Variants in BABAM2 observed in about 807,000 individuals in gnomAD.
BABAM2 encodes the protein BRISC and BRCA1-A complex member 2.
In BABAM2, 31 loss-of-function variants were observed where a neutral mutation model predicts 54.7. That is an observed-to-expected ratio of 0.57 (90% CI 0.43 to 0.77). The LOEUF (loss-of-function observed/expected upper bound fraction) is 0.77, where lower values mean the gene tolerates loss of function less well. Ranked by LOEUF, BABAM2 falls within the 30% of genes least tolerant of loss-of-function variation. BABAM2 has a pLI of 0.00. For synonymous variants in BABAM2, 167 were observed against 162.9 expected (o/e 1.03, Z -0.19); for missense variants, 364 against 455.8 (o/e 0.80, Z 1.83).
At chr2:28,187,767 C>G (rs1676473848) in intron 7 of BABAM2, among the ~76,000 whole-genome samples, 1 of 141,556 alleles carries the variant, frequency 7.1e-6, no homozygotes, top group Admixed American at 7.8e-5. Flanking sequence ...CTCCTGGGTT[C>G]AAGCGATTAT....
Position 28,308,184 on chromosome 2 carries a change from T to C in BABAM2, c.1088+9693T>C, listed in dbSNP as rs182482819. 1,252 of 328,266 alleles carry C rather than the reference T, an allele frequency of 3.8e-3. 7 individuals carry two copies. Among genetic ancestry groups the C allele is most frequent in the Non-Finnish European group, 4.7e-3 (788 of 168,182 alleles). 20.3% of individuals were successfully genotyped at this position (328,266 alleles called of 1,614,324 possible). A position where few individuals can be genotyped will look rare whatever the true frequency, so the allele number is the denominator to read the frequency against. ...TTATGGCACCAAAAGTGAAAAAAGT[T>C]CTTGCCCCTCCCAAAGCTGAAGCCA... On this transcript the variant is annotated intron_variant, in intron 11 of 11. Transcript: ENST00000379624.
At chr2:27,969,830 A>T (rs1220979947) in intron 3 of BABAM2, among the ~76,000 whole-genome samples, 1 of 152,156 alleles carries the variant, frequency 6.6e-6, no homozygotes, top group Non-Finnish European at 1.5e-5. Flanking sequence ...AATATACCGC[A>T]GTTGATATGG....
At chr2:27,976,971 T>C (rs1379884892) in intron 3 of BABAM2, among the ~76,000 whole-genome samples, 1 of 152,198 alleles carries the variant, frequency 6.6e-6, no homozygotes, top group Non-Finnish European at 1.5e-5. Context: ...TTCCATCCTT[T>C]GTTCTACAGA....
intron 8 of BABAM2, among the ~76,000 whole-genome samples, chr2:28,239,449 G>A (rs1682211874): frequency 6.6e-6 from 1 of 152,202 alleles, no homozygotes; most frequent in South Asian, 2.1e-4. Context: ...TTTCGTGTTA[G>A]AAGCTGGTGG....
chr2:28,197,019 G>C (rs1454663694), intron 7 of BABAM2, among the ~76,000 whole-genome samples: 1 of 150,886 alleles, frequency 6.6e-6, no homozygotes, highest in Non-Finnish European at 1.5e-5. Flanking sequence ...AATTTTTTTG[G>C]TATTTTTTAT....
chr2:27,892,456 C>A (rs1573097023), intron 1 of BABAM2: 1 of 151,912 alleles, frequency 6.6e-6, no homozygotes, highest in African/African-American at 2.4e-5. Flanking sequence ...TAGGTGAGAC[C>A]CTTTTGCTTT....
chr2:28,001,251 TC>T (rs912645929), intron 4 of BABAM2, among the ~76,000 whole-genome samples: 13 of 152,340 alleles, frequency 8.5e-5, no homozygotes, highest in African/African-American at 3.1e-4. Flanking sequence ...TATTTTAAGA[TC>T]CCATTTGTGT....
chr2:28,209,313 T>C lies in BABAM2; in HGVS notation c.681-27889T>C, dbSNP rs114844661. On this transcript the variant is annotated intron_variant, in intron 7 of 11. Coordinates refer to ENST00000379624, the MANE Select transcript of BABAM2 (RefSeq NM_199191.3). ...ACCTCTGAGGTCATGTTTTCTATAGTAGCTGCACTGGGTGGAGAAGGTTAT... is the reference window on the plus strand; with the variant it reads ...ACCTCTGAGGTCATGTTTTCTATAGCAGCTGCACTGGGTGGAGAAGGTTAT... 8.0e-3 allele frequency among the ~76,000 whole-genome samples: 1,211 copies of C among 152,274 alleles called. 11 individuals carry two copies. Among genetic ancestry groups the C allele is most frequent in the African/African-American group, 0.027 (1,136 of 41,558 alleles).
At chr2:28,327,399 GGAGGGCCTCA>G in intron 11 of BABAM2, 1 of 1,612,764 alleles carries the variant, frequency 6.2e-7, no homozygotes, top group Middle Eastern at 1.7e-4. Context: ...GGGCCTCCTT[GGAGGGCCTCA>G]GAGGGAGAGA....
intron 7 of BABAM2, among the ~76,000 whole-genome samples, chr2:28,140,844 C>G (rs1670983806): frequency 6.6e-6 from 1 of 152,072 alleles, no homozygotes; most frequent in African/African-American, 2.4e-5. Flanking sequence ...CCTGCCATAG[C>G]AAAATACCAT....
chr2:27,926,321 C>T (rs1667704210), intron 2 of BABAM2, among the ~76,000 whole-genome samples: 1 of 151,774 alleles, frequency 6.6e-6, no homozygotes, highest in Non-Finnish European at 1.5e-5. Context: ...ATCTTTTGTT[C>T]TTCTCTCCCT....
intron 6 of BABAM2, among the ~76,000 whole-genome samples, chr2:28,060,900 C>T (rs974644803): frequency 2.6e-5 from 4 of 152,062 alleles, no homozygotes; most frequent in African/African-American, 4.8e-5. Context: ...ATCAGTTCTT[C>T]CTAAATTGGC....
intron 6 of BABAM2, among the ~76,000 whole-genome samples, chr2:28,047,123 A>G (rs1357242279): frequency 6.6e-6 from 1 of 152,208 alleles, no homozygotes; most frequent in African/African-American, 2.4e-5. Context: ...TTTAGTTTCC[A>G]GTTGACTAGT....
At chr2:28,230,673 G>A (rs934959968) in intron 7 of BABAM2, among the ~76,000 whole-genome samples, 2 of 149,426 alleles carry the variant, frequency 1.3e-5, no homozygotes, top group South Asian at 2.1e-4. Flanking sequence ...GCAGTGAGCC[G>A]TGATCACGCC....
chr2:28,228,569 C>T (rs1361177281), intron 7 of BABAM2, among the ~76,000 whole-genome samples: 1 of 152,082 alleles, frequency 6.6e-6, no homozygotes, highest in African/African-American at 2.4e-5. Context: ...CACTCCTGAC[C>T]TCTGGCTTTT....
chr2:28,056,214 GA>G (rs1678399895), intron 6 of BABAM2, among the ~76,000 whole-genome samples: 1 of 152,006 alleles, frequency 6.6e-6, no homozygotes, highest in Non-Finnish European at 1.5e-5. Flanking sequence ...ACAGGTTATA[GA>G]ATTGTACCAT....
At chr2:28,002,060 T>TAAAAAAAAAA (rs5830060) in intron 4 of BABAM2, among the ~76,000 whole-genome samples, 1 of 140,040 alleles carries the variant, frequency 7.1e-6, no homozygotes, top group Non-Finnish European at 1.5e-5. Flanking sequence ...ATCAAACAGG[T>TAAAAAAAAAA]AAAAAAAAAA....
chr2:27,931,514 C>T (rs1394094885), intron 3 of BABAM2, among the ~76,000 whole-genome samples: 1 of 152,052 alleles, frequency 6.6e-6, no homozygotes, highest in African/African-American at 2.4e-5. Flanking sequence ...GCCTGTTTTC[C>T]CTATGCCCCT....
intron 7 of BABAM2, among the ~76,000 whole-genome samples, chr2:28,232,067 A>G (rs1018616382): frequency 1.3e-5 from 2 of 151,904 alleles, no homozygotes; most frequent in African/African-American, 4.8e-5. Flanking sequence ...CAGCCTCCCA[A>G]AGTGCTAGGA....
Sources: gnomAD v4.1 joint callset for allele counts (sites outside exome capture counted in the v4.1 genomes callset) on GRCh38, gnomAD v4.1.1 for gene constraint, MANE v1.5 for transcripts, NCBI Gene and HGNC (gene_info 2026-07-23, HGNC 2026-07-21) for gene names.